The following CCDC178 variants were observed in gnomAD, a reference collection of about 807,000 sequenced individuals.
The protein encoded by CCDC178 is coiled-coil domain containing 178.
A neutral mutation model predicts 117.4 loss-of-function variants in CCDC178; 126 were observed. That is an observed-to-expected ratio of 1.07 (90% CI 0.93 to 1.24). The LOEUF (loss-of-function observed/expected upper bound fraction) is 1.24. Ranked by LOEUF, CCDC178 falls within the 50% of genes most tolerant of loss-of-function variation. The pLI, the probability that CCDC178 is intolerant of heterozygous loss-of-function variation, is 0.00. For synonymous variants in CCDC178, 283 were observed against 313.4 expected (o/e 0.90, Z 1.02); for missense variants, 1,030 against 986.9 (o/e 1.04, Z -0.59).
intron 21 of CCDC178, among the ~76,000 whole-genome samples, chr18:33,037,507 T>C (rs2056466709): frequency 1.3e-5 from 2 of 151,978 alleles, no homozygotes; most frequent in Non-Finnish European, 2.9e-5. Context: ...TTTTATTACT[T>C]TTCTACCGTA....
chr18:33,415,946 T>C (rs2063934318), intron 2 of CCDC178, among the ~76,000 whole-genome samples: 1 of 152,190 alleles, frequency 6.6e-6, no homozygotes, highest in Admixed American at 6.5e-5. Flanking sequence ...TGAGATTTTC[T>C]CTATGCTTTG....
intron 21 of CCDC178, among the ~76,000 whole-genome samples, chr18:33,047,365 A>G (rs1161810663): frequency 6.6e-6 from 1 of 152,196 alleles, no homozygotes; most frequent in Non-Finnish European, 1.5e-5. Context: ...AATATGTTAC[A>G]AAGTGGTAGC....
At chr18:33,113,315 C>T (rs1035828267) in intron 20 of CCDC178, among the ~76,000 whole-genome samples, 4 of 151,898 alleles carry the variant, frequency 2.6e-5, no homozygotes, top group Non-Finnish European at 4.4e-5. Context: ...GAAATAAAAA[C>T]ATGTGTATTT....
chr18:33,048,607 A>G (rs1485956031), intron 21 of CCDC178, among the ~76,000 whole-genome samples: 2 of 152,138 alleles, frequency 1.3e-5, no homozygotes, highest in African/African-American at 2.4e-5. Context: ...AGATTTCTGG[A>G]GGATTTACAG....
At chr18:33,260,781 T>A (rs556440416) in intron 14 of CCDC178, among the ~76,000 whole-genome samples, 36 of 151,384 alleles carry the variant, frequency 2.4e-4, no homozygotes, top group African/African-American at 8.5e-4. Flanking sequence ...GAGGTAAGAC[T>A]TTTTTTTTGT....
chr18:33,428,753 A>AG (rs1346658340), intron 2 of CCDC178, among the ~76,000 whole-genome samples: 2 of 146,252 alleles, frequency 1.4e-5, no homozygotes, highest in Admixed American at 1.4e-4. Context: ...AAAAAAAAAA[A>AG]GAGAAAAGAA....
intron 21 of CCDC178, among the ~76,000 whole-genome samples, chr18:33,047,908 G>A (rs2056674946): frequency 6.6e-6 from 1 of 152,128 alleles, no homozygotes; most frequent in African/African-American, 2.4e-5. Flanking sequence ...AACTTGGAAG[G>A]TCAAAGTTTG....
intron 9 of CCDC178, among the ~76,000 whole-genome samples, chr18:33,337,474 T>C (rs2062756534): frequency 6.6e-6 from 1 of 152,132 alleles, no homozygotes. Context: ...TGGGCATCCT[T>C]GTCTTGCTCC....
At chr18:33,438,336 C>T (rs1158800547) in intron 2 of CCDC178, among the ~76,000 whole-genome samples, 1 of 152,100 alleles carries the variant, frequency 6.6e-6, no homozygotes, top group Non-Finnish European at 1.5e-5. Flanking sequence ...ATAGCTTCCC[C>T]ACTCCCCTGT....
chr18:33,300,726 A>C (rs2062166261), intron 11 of CCDC178, among the ~76,000 whole-genome samples: 1 of 152,192 alleles, frequency 6.6e-6, no homozygotes, highest in Non-Finnish European at 1.5e-5. Context: ...TGGCAGAAGA[A>C]ATTTCTAAGC....
chr18:33,269,399 T>TA (rs1843631535), intron 12 of CCDC178, among the ~76,000 whole-genome samples: 2 of 151,712 alleles, frequency 1.3e-5, no homozygotes, highest in Admixed American at 1.3e-4. Flanking sequence ...AAGACCAGGG[T>TA]ATTCACATGT....
intron 21 of CCDC178, among the ~76,000 whole-genome samples, chr18:32,987,521 A>C (rs535481417): frequency 6.6e-6 from 1 of 152,264 alleles, no homozygotes; most frequent in East Asian, 1.9e-4. Context: ...ATATGTATAT[A>C]TGCATATATA....
intron 20 of CCDC178, among the ~76,000 whole-genome samples, chr18:33,162,932 T>G (rs72945346): frequency 0.051 from 7,727 of 152,204 alleles, 292 homozygotes; most frequent in East Asian, 0.11. Flanking sequence ...GGATTTATAT[T>G]CCCTTGGATA....
chr18:33,174,429 A>AT (rs1220720070), intron 20 of CCDC178, among the ~76,000 whole-genome samples: 1 of 152,196 alleles, frequency 6.6e-6, no homozygotes, highest in East Asian at 1.9e-4. Context: ...AAATGAGTCC[A>AT]TTTGATTCCA....
intron 20 of CCDC178, among the ~76,000 whole-genome samples, chr18:33,190,356 C>T (rs1030837200): frequency 2.0e-5 from 3 of 152,140 alleles, no homozygotes; most frequent in African/African-American, 7.2e-5. Flanking sequence ...CAGACTGAGT[C>T]TTGACTGATA....
chr18:33,108,937 G>C (rs937665551), intron 20 of CCDC178, among the ~76,000 whole-genome samples: 5 of 151,734 alleles, frequency 3.3e-5, no homozygotes, highest in African/African-American at 1.2e-4. Flanking sequence ...ATCCCCTCCA[G>C]TTATCAAGGT....
chr18:33,121,175 T>C (rs1331925120), intron 20 of CCDC178, among the ~76,000 whole-genome samples: 1 of 152,138 alleles, frequency 6.6e-6, no homozygotes, highest in East Asian at 1.9e-4. Flanking sequence ...TTATCATAGA[T>C]AAACTGGATG....
At chr18:33,306,601 GTTT>G (rs1377780898) in intron 11 of CCDC178, among the ~76,000 whole-genome samples, 4 of 119,648 alleles carry the variant, frequency 3.3e-5, no homozygotes, top group Non-Finnish European at 3.6e-5. Context: ...GTTATATATG[GTTT>G]TTTATATATA....
chr18:33,341,657 A>G (rs1282684552), intron 9 of CCDC178, among the ~76,000 whole-genome samples: 1 of 152,118 alleles, frequency 6.6e-6, no homozygotes, highest in Non-Finnish European at 1.5e-5. Flanking sequence ...TGGGTTTATC[A>G]GGGGTTTTTC....
Sources: allele counts gnomAD v4.1 joint callset (sites outside exome capture counted in the v4.1 genomes callset), GRCh38; gene constraint gnomAD v4.1.1; transcripts MANE v1.5; gene names NCBI Gene and HGNC (gene_info 2026-07-23, HGNC 2026-07-21).